LYRM4: variants seen among roughly 807,000 people sequenced by gnomAD.
The protein encoded by LYRM4 is LYR motif-containing protein 4.
LYRM4 carries 9 observed loss-of-function variants against 11.7 expected under a neutral mutation model. The observed-to-expected ratio is 0.77, with a 90% CI of 0.46 to 1.34. The LOEUF is 1.34. LYRM4 is among the 40% of genes most tolerant of loss of function. The probability of loss-of-function intolerance (pLI) is 0.00; values close to 1 mark genes in which losing one functional copy is unlikely to be tolerated. For synonymous variants in LYRM4, 42 were observed against 40.4 expected, an observed-to-expected ratio of 1.04 and a Z score of -0.15; for missense variants, 133 against 112.5, an observed-to-expected ratio of 1.18 and a Z score of -0.82.
intron 2 of LYRM4, among the ~76,000 whole-genome samples, chr6:5,160,411 T>A (rs149312573): frequency 1.3e-5 from 2 of 152,070 alleles, no homozygotes; most frequent in African/African-American, 4.8e-5. Flanking sequence ...CCACGTGTGG[T>A]GGGAGGGACC....
chr6:5,121,358 G>A (rs748934290), intron 2 of LYRM4, among the ~76,000 whole-genome samples: 40 of 152,098 alleles, frequency 2.6e-4, no homozygotes, highest in Non-Finnish European at 4.7e-4. Context: ...GGTTTTATGC[G>A]TGATTTCTAT....
the LYRM4 span, among the ~76,000 whole-genome samples, chr6:5,040,340 GATAGATAGATAGATACATAC>G: frequency 7.0e-6 from 1 of 142,170 alleles, no homozygotes; most frequent in African/African-American, 2.6e-5. Context: ...TAGATAGATA[GATAGATAGATAGATACATAC>G]ATACATACAT....
At chr6:5,219,560 T>C (rs1233788572) in intron 1 of LYRM4, among the ~76,000 whole-genome samples, 4 of 152,240 alleles carry the variant, frequency 2.6e-5, no homozygotes, top group African/African-American at 9.6e-5. Flanking sequence ...ATGAAGAGTT[T>C]CTTCCTTAGT....
intron 2 of LYRM4, among the ~76,000 whole-genome samples, chr6:5,119,971 T>C (rs1763347774): frequency 6.6e-6 from 1 of 151,154 alleles, no homozygotes; most frequent in South Asian, 2.1e-4. Flanking sequence ...CTCGGCTCAC[T>C]GCAACCTCTG....
At chr6:5,152,739 C>A (rs934086778) in intron 2 of LYRM4, among the ~76,000 whole-genome samples, 1 of 152,188 alleles carries the variant, frequency 6.6e-6, no homozygotes, top group Non-Finnish European at 1.5e-5. Context: ...GATGGGACTG[C>A]GTGTTTCTGG....
intron 2 of LYRM4, among the ~76,000 whole-genome samples, chr6:5,205,976 G>A (rs946932799): frequency 3.9e-5 from 6 of 152,178 alleles, no homozygotes; most frequent in Admixed American, 6.5e-5. Flanking sequence ...AACAGGCCCC[G>A]CTGCTGGAGC....
intron 1 of LYRM4, among the ~76,000 whole-genome samples, chr6:5,236,763 C>T (rs2753214): frequency 0.31 from 45,443 of 147,690 alleles, 7,061 homozygotes; most frequent in African/African-American, 0.39. Flanking sequence ...GCCTGAGCAA[C>T]ACAGTGAGAC....
At chr6:5,133,751 C>T (rs546799837) in intron 2 of LYRM4, among the ~76,000 whole-genome samples, 1 of 152,326 alleles carries the variant, frequency 6.6e-6, no homozygotes, top group African/African-American at 2.4e-5. Context: ...ACCCCATACT[C>T]ATTAAGCAGC....
Position 5,177,971 on chromosome 6 carries a change from G to A in LYRM4, c.207+38647C>T, listed in dbSNP as rs1205512919. 2.6e-5 allele frequency among the ~76,000 whole-genome samples: 4 copies of A among 151,752 alleles called. No homozygotes were observed. The South Asian group carries it at 8.3e-4, about 32-fold the overall frequency. On this transcript the variant is annotated intron_variant, in intron 2 of 2. Coordinates refer to ENST00000330636, the MANE Select transcript of LYRM4 (RefSeq NM_020408.6). ...TTCTGAAAGCCACTGCTCACCCTGG[G>A]CTCTCACTATACCCACATATGCCAC... is the stretch of plus-strand genomic sequence containing the variant.
the LYRM4 span, among the ~76,000 whole-genome samples, chr6:5,046,197 A>G: frequency 3.2e-4 from 48 of 152,058 alleles, no homozygotes; most frequent in African/African-American, 1.1e-3. Flanking sequence ...CCCACGCTGC[A>G]GTGCAGTGGT....
At chr6:5,175,824 G>A (rs540077405) in intron 2 of LYRM4, among the ~76,000 whole-genome samples, 1 of 152,122 alleles carries the variant, frequency 6.6e-6, no homozygotes. Flanking sequence ...GTAGGAAGTC[G>A]CACTGCTCTG....
At chr6:5,077,407 G>A in the LYRM4 span, among the ~76,000 whole-genome samples, 73 of 152,194 alleles carry the variant, frequency 4.8e-4, no homozygotes, top group African/African-American at 1.6e-3. Context: ...GCTGAAAGAC[G>A]CTGGGGACAG....
intron 2 of LYRM4, among the ~76,000 whole-genome samples, chr6:5,117,801 G>C (rs187207113): frequency 2.0e-5 from 3 of 152,008 alleles, no homozygotes; most frequent in Non-Finnish European, 2.9e-5. Flanking sequence ...CCAGGAGTTC[G>C]AGGCTGTAGT....
intron 2 of LYRM4, among the ~76,000 whole-genome samples, chr6:5,149,505 A>G (rs1314149801): frequency 6.6e-6 from 1 of 152,126 alleles, no homozygotes; most frequent in Non-Finnish European, 1.5e-5. Flanking sequence ...GTCTGCTTTC[A>G]AAGTCGTAGC....
chr6:5,163,539 C>T (rs1358286682), intron 2 of LYRM4, among the ~76,000 whole-genome samples: 5 of 151,170 alleles, frequency 3.3e-5, no homozygotes, highest in South Asian at 2.1e-4. Context: ...CTGTTCTTGG[C>T]CATTTGCATT....
chr6:5,213,468 T>C (rs529696909), intron 2 of LYRM4, among the ~76,000 whole-genome samples: 6 of 152,290 alleles, frequency 3.9e-5, no homozygotes, highest in Middle Eastern at 3.4e-3. Flanking sequence ...GGCATGCATG[T>C]CTGGCAGCTG....
chr6:5,050,828 A>G, the LYRM4 span, among the ~76,000 whole-genome samples: 1 of 152,252 alleles, frequency 6.6e-6, no homozygotes, highest in African/African-American at 2.4e-5. Flanking sequence ...ACAGATTTTT[A>G]AAAATCAATG....
the LYRM4 span, among the ~76,000 whole-genome samples, chr6:5,069,470 T>TTA: frequency 3.3e-5 from 5 of 149,376 alleles, no homozygotes; most frequent in South Asian, 8.4e-4. Context: ...TATATTATAT[T>TTA]TATATATATA....
intron 2 of LYRM4, among the ~76,000 whole-genome samples, chr6:5,186,422 T>C (rs78798088): frequency 0.025 from 3,841 of 152,250 alleles, 132 homozygotes; most frequent in African/African-American, 0.082. Context: ...TGGCCTTGCG[T>C]TCTGGTGTGT....
Sources: gnomAD v4.1 joint callset for allele counts (sites outside exome capture counted in the v4.1 genomes callset) on GRCh38, gnomAD v4.1.1 for gene constraint, MANE v1.5 for transcripts, NCBI Gene and HGNC (gene_info 2026-07-23, HGNC 2026-07-21) for gene names.